PDE8A: variants seen among roughly 807,000 people sequenced by gnomAD.
PDE8A encodes the protein high affinity cAMP-specific and IBMX-insensitive 3',5'-cyclic phosphodiesterase 8A.
PDE8A carries 59 observed loss-of-function variants against 105.0 expected under a neutral mutation model. That is an observed-to-expected ratio of 0.56 (90% CI 0.46 to 0.70). The LOEUF (loss-of-function observed/expected upper bound fraction) is 0.70. Ranked by LOEUF, PDE8A falls within the 30% of genes least tolerant of loss-of-function variation. The probability of loss-of-function intolerance (pLI) is 0.00; values close to 1 mark genes in which losing one functional copy is unlikely to be tolerated. For missense variants in PDE8A, 1,014 were observed against 1,045.9 expected, an observed-to-expected ratio of 0.97 and a Z score of 0.42; for synonymous variants, 355 against 371.9, an observed-to-expected ratio of 0.95 and a Z score of 0.52.
chr15:85,091,901 C>CTTTTTTTTTTTT (rs563631633), intron 8 of PDE8A, among the ~76,000 whole-genome samples: 1,233 of 88,322 alleles, frequency 0.014, 6 homozygotes, highest in Non-Finnish European at 0.021. Context: ...TTCTGCTGGA[C>CTTTTTTTTTTTT]TTTTTTTTTT....
intron 3 of PDE8A, among the ~76,000 whole-genome samples, chr15:85,068,021 C>T (rs2081257001): frequency 6.6e-6 from 1 of 152,008 alleles, no homozygotes; most frequent in Non-Finnish European, 1.5e-5. Flanking sequence ...TCACAATAAG[C>T]CATCATCATT....
chr15:85,048,844 T>C (rs1216831707), intron 1 of PDE8A, among the ~76,000 whole-genome samples: 1 of 152,238 alleles, frequency 6.6e-6, no homozygotes, highest in African/African-American at 2.4e-5. Flanking sequence ...CTCACGCCTA[T>C]AATTCCAGTA....
At chr15:85,122,873 C>G (rs2082202942) in intron 18 of PDE8A, among the ~76,000 whole-genome samples, 188 bp from the exon 19 acceptor site, 1 of 152,204 alleles carries the variant, frequency 6.6e-6, no homozygotes, top group South Asian at 2.1e-4. Context: ...TTTTGAGGTT[C>G]TCCTTGCTAA....
At chr15:85,063,175 A>T (rs1392160483) in intron 1 of PDE8A, 2 of 152,230 alleles carry the variant, frequency 1.3e-5, no homozygotes, top group African/African-American at 4.8e-5. Context: ...ATTACTAGAC[A>T]TCAGCTTCTC....
chr15:85,110,920 C>T (rs559193535), intron 12 of PDE8A, among the ~76,000 whole-genome samples: 1 of 152,304 alleles, frequency 6.6e-6, no homozygotes, highest in Admixed American at 6.5e-5. Flanking sequence ...CATGTTTTCC[C>T]ACACTTGGTA....
chr15:85,132,054 G>A (rs998500117), intron 20 of PDE8A, among the ~76,000 whole-genome samples: 1 of 152,136 alleles, frequency 6.6e-6, no homozygotes, highest in African/African-American at 2.4e-5. Context: ...GTCTCAGATA[G>A]ATCTCTTTGG....
chr15:85,001,900 G>T (rs1050748707), intron 1 of PDE8A, among the ~76,000 whole-genome samples: 1 of 152,142 alleles, frequency 6.6e-6, no homozygotes, highest in Non-Finnish European at 1.5e-5. Context: ...AGTACTTTGT[G>T]CATGAACTAA....
chr15:85,130,879 C>G (rs2082321012), intron 20 of PDE8A, among the ~76,000 whole-genome samples: 1 of 152,162 alleles, frequency 6.6e-6, no homozygotes, highest in Non-Finnish European at 1.5e-5. Flanking sequence ...CCTGCCTCAG[C>G]CTCCTGAGTA....
intron 1 of PDE8A, among the ~76,000 whole-genome samples, chr15:85,024,651 A>G (rs2080484222): frequency 6.6e-6 from 1 of 152,152 alleles, no homozygotes; most frequent in East Asian, 1.9e-4. Flanking sequence ...GGGTCAAAAG[A>G]AACTTCTTTG....
At chr15:85,016,878 G>A (rs2141344398) in intron 1 of PDE8A, among the ~76,000 whole-genome samples, 1 of 151,156 alleles carries the variant, frequency 6.6e-6, no homozygotes, top group South Asian at 2.1e-4. Flanking sequence ...TTGAGTTTAT[G>A]CCAGATGTTC....
chr15:85,006,254 A>T (rs2080145335), intron 1 of PDE8A, among the ~76,000 whole-genome samples: 1 of 152,018 alleles, frequency 6.6e-6, no homozygotes, highest in African/African-American at 2.4e-5. Flanking sequence ...CCTAAAACTT[A>T]AAGTATTATT....
chr15:85,115,374 G>A, intron 14 of PDE8A, 65 bp from the exon 15 acceptor site: 5 of 1,062,152 alleles, frequency 4.7e-6, no homozygotes, highest in Non-Finnish European at 7.0e-6. Context: ...AGGACCACCT[G>A]GAGTTTCCAG....
intron 1 of PDE8A, among the ~76,000 whole-genome samples, chr15:85,061,738 C>G (rs915047084): frequency 6.6e-6 from 1 of 152,084 alleles, no homozygotes; most frequent in Non-Finnish European, 1.5e-5. Flanking sequence ...CATATATTAG[C>G]TTGTTTCATG....
chr15:85,081,144 T>C (rs1341312038), intron 5 of PDE8A, among the ~76,000 whole-genome samples: 3 of 152,186 alleles, frequency 2.0e-5, no homozygotes, highest in Non-Finnish European at 4.4e-5. Context: ...GTGCCAAGGC[T>C]TGAATCTGAA....
At chr15:85,008,303 T>C (rs1351595868) in intron 1 of PDE8A, among the ~76,000 whole-genome samples, 1 of 152,046 alleles carries the variant, frequency 6.6e-6, no homozygotes, top group Non-Finnish European at 1.5e-5. Context: ...TGGTGAAATA[T>C]GGGTTAATTA....
At position 85,091,071 on chromosome 15, in the gene PDE8A, A is replaced by T. The variant is rs747239934; in HGVS notation, c.742A>T (p.Met248Leu). ...QYANPAFETT[M>L]GYQSGELIGK... ...TGCAAATCCTGCATTTGAAACAACA[A>T]TGGGCTATCAGTCAGGTGAATTAAT... Residue 248 changes from methionine (M) to leucine (L), a missense_variant, in exon 8 of 22, where the codon ATG (methionine) becomes TTG (leucine). Met to Leu is a conservative substitution (Grantham distance 15, BLOSUM62 2). Coordinates refer to ENST00000394553, the MANE Select transcript of PDE8A (RefSeq NM_002605.3). The T allele has an allele frequency of 2.5e-6, 4 of 1,611,794 alleles. No individual in the cohort carries two copies. The highest frequency in any genetic ancestry group is 3.4e-6 in the Non-Finnish European group (4 of 1,178,882).
intron 1 of PDE8A, among the ~76,000 whole-genome samples, chr15:85,042,255 CA>C (rs778082913): frequency 3.3e-5 from 5 of 152,112 alleles, no homozygotes; most frequent in Non-Finnish European, 5.9e-5. Context: ...TAGCTCACTG[CA>C]GCCTCAAACT....
chr15:85,040,849 A>G (rs2080795640), intron 1 of PDE8A, among the ~76,000 whole-genome samples: 1 of 152,116 alleles, frequency 6.6e-6, no homozygotes, highest in Non-Finnish European at 1.5e-5. Context: ...GTGAACCACC[A>G]CACCCGGCCT....
intron 3 of PDE8A, among the ~76,000 whole-genome samples, chr15:85,073,695 A>G (rs890858342): frequency 6.6e-6 from 1 of 152,270 alleles, no homozygotes; most frequent in African/African-American, 2.4e-5. Flanking sequence ...ATACAGTGTC[A>G]CTAGAAGTGA....
Sources: allele counts gnomAD v4.1 joint callset (sites outside exome capture counted in the v4.1 genomes callset), GRCh38; gene constraint gnomAD v4.1.1; transcripts MANE v1.5; gene names NCBI Gene and HGNC (gene_info 2026-07-23, HGNC 2026-07-21).